The following ITM2A variants were observed in gnomAD, a reference collection of about 807,000 sequenced individuals.
The protein encoded by ITM2A is integral membrane protein 2A.
ITM2A carries 11 observed loss-of-function variants against 16.6 expected under a neutral mutation model. The ratio of observed to expected loss-of-function variants is 0.66; its 90% confidence interval spans 0.42 to 1.10. The LOEUF (loss-of-function observed/expected upper bound fraction) is 1.10, where lower values mean the gene tolerates loss of function less well. Among genes scored for constraint, ITM2A ranks in the 50% least tolerant of loss-of-function variants. The pLI is 0.00. For synonymous variants in ITM2A, 102 were observed against 71.2 expected, an observed-to-expected ratio of 1.43 and a Z score of -2.18; for missense variants, 243 against 206.8, an observed-to-expected ratio of 1.17 and a Z score of -1.07.
intron 4 of ITM2A, 88 bp downstream of exon 4, chrX:79,362,493 T>C: frequency 2.1e-6 from 1 of 481,078 alleles, no homozygotes; most frequent in Non-Finnish European, 3.5e-6. Context: ...ATAAAATGTT[T>C]TGGACAAATT....
Position 79,360,884 on chromosome X carries a change from G to C in ITM2A, c.*205C>G. On this transcript the variant is annotated 3_prime_UTR_variant, in exon 6 of 6. Coordinates refer to ENST00000373298, the MANE Select transcript of ITM2A (RefSeq NM_004867.5). ...AAAAAATGAAACTCATGTAATTTCA[G>C]TTTCAAAAAACAAGCAATGCCAATT... 1 of 261,208 alleles carries C rather than the reference G, an allele frequency of 3.8e-6. No homozygotes were observed. The highest frequency in any genetic ancestry group is 6.7e-6 in the Non-Finnish European group (1 of 148,776). The allele number at this position is 261,208 out of a possible 1,213,427, so 21.5% of individuals were successfully genotyped here.
At chrX:79,361,289 T>C (rs1260084471) in intron 5 of ITM2A, 40 bp downstream of exon 5, 1 of 1,169,360 alleles carries the variant, frequency 8.6e-7, no homozygotes, top group South Asian at 1.8e-5. Flanking sequence ...TCTTCCACTG[T>C]GTAACACAGG....
At chrX:79,364,476 C>A (rs1325185182) in intron 1 of ITM2A, among the ~76,000 whole-genome samples, 3 of 112,072 alleles carry the variant, frequency 2.7e-5, no homozygotes, top group African/African-American at 3.2e-5. Context: ...AAACAAGCAA[C>A]TGATTGTGCC....
chrX:79,366,923 G>A, intron 1 of ITM2A, 182 bp downstream of exon 1: 1 of 421,486 alleles, frequency 2.4e-6, no homozygotes, highest in Non-Finnish European at 4.1e-6. Context: ...GGAATGCAGA[G>A]TGACAGAGGG....
rs151333281 is a variant in ITM2A at position 79,367,177 on chromosome X, T to C, written c.39A>G (p.Gln13=). Residue 13 remains glutamine (Q), a synonymous_variant, in exon 1 of 6, where the codon CAA becomes CAG. Coordinates refer to ENST00000373298, the MANE Select transcript of ITM2A (RefSeq NM_004867.5). ...KIAFNTPTAV[Q]KEEARQDVEA... The stretch of plus-strand genomic sequence containing the variant: ...CCACGTCTTGCCGCGCCTCCTCCTT[T>C]TGCACGGCGGTAGGGGTATTGAAGG... 3 of 1,207,260 alleles carry C rather than the reference T, an allele frequency of 2.5e-6. No homozygotes were observed. The African/African-American group carries it at 5.3e-5, about 21-fold the overall frequency.
In ITM2A at chrX:79,361,070, A is replaced by T. The variant is rs767074214; in HGVS notation, c.*19T>A. 1.4e-5 allele frequency: 14 copies of T among 1,000,931 alleles called. No homozygotes were observed. The Admixed American group carries it at 3.0e-4, about 22-fold the overall frequency. The allele number at this position is 1,000,931 out of a possible 1,213,427, so 82.5% of individuals were successfully genotyped here. A position where few individuals can be genotyped will look rare whatever the true frequency, so the allele number is the denominator to read the frequency against. On this transcript the variant is annotated 3_prime_UTR_variant, in exon 6 of 6. Transcript: ENST00000373298. ...AATCTCTGACTTCTTATTACCAAGGACACTCTATCTGTTGCCTCTTACTCT... is the reference window on the plus strand; with the variant it reads ...AATCTCTGACTTCTTATTACCAAGGTCACTCTATCTGTTGCCTCTTACTCT...
intron 1 of ITM2A, among the ~76,000 whole-genome samples, chrX:79,365,049 G>A (rs745331935): frequency 9.0e-6 from 1 of 110,654 alleles, no homozygotes; most frequent in Non-Finnish European, 1.9e-5. Context: ...TAGAACTGGA[G>A]ACTTAAAATT....
chrX:79,367,147 G>A lies in ITM2A; in HGVS notation c.69C>T (p.Ala23=), dbSNP rs764913694. ...QKEEARQDVE[A]LLSRTVRTQI... is the part of the protein sequence containing the mutation. ...GAGTTCTGACCGTGCGGCTCAGGAG[G>A]GCCTCCACGTCTTGCCGCGCCTCCT... Residue 23 remains alanine, a synonymous_variant, in exon 1 of 6, where the codon GCC becomes GCT. Transcript: ENST00000373298. 1.3e-5 allele frequency: 16 copies of A among 1,208,952 alleles called. No homozygotes were observed. In the South Asian group the frequency reaches 2.7e-4, roughly 20 times the overall value.
In ITM2A at chrX:79,360,639, C is replaced by A. The variant is rs1326468444; in HGVS notation, c.*450G>T. ...TGTACAAAATGAAAAACAAAAGAAA[C>A]CAACAATGTTGAGATCTGATATATT... On this transcript the variant is annotated 3_prime_UTR_variant, in exon 6 of 6. Transcript: ENST00000373298. 1 of 111,177 alleles carries A rather than the reference C, an allele frequency of 9.0e-6. No individual in the cohort carries two copies. Among genetic ancestry groups the A allele is most frequent in the Non-Finnish European group, 1.9e-5 (1 of 52,898 alleles). The allele number at this position is 111,177 out of a possible 1,213,427, so 9.2% of individuals were successfully genotyped here. A position where few individuals can be genotyped will look rare whatever the true frequency, so the allele number is the denominator to read the frequency against.
chrX:79,366,028 A>G (rs1280652562), intron 1 of ITM2A, among the ~76,000 whole-genome samples: 3 of 112,309 alleles, frequency 2.7e-5, no homozygotes, highest in Non-Finnish European at 5.6e-5. Flanking sequence ...AAAACTATAT[A>G]GAGAACAAGA....
intron 1 of ITM2A, 35 bp from the exon 2 acceptor site, chrX:79,363,589 A>T: frequency 2.7e-6 from 3 of 1,109,431 alleles, no homozygotes; most frequent in Non-Finnish European, 3.6e-6. Context: ...AAACAAAACC[A>T]GATTGTACTT....
At chrX:79,361,298 G>A (rs766934111) in intron 5 of ITM2A, 31 bp downstream of exon 5, 13 of 1,181,451 alleles carry the variant, frequency 1.1e-5, no homozygotes, top group Non-Finnish European at 1.5e-5. Context: ...GTGTAACACA[G>A]GGTGAAGGAA....
Position 79,363,454 on chromosome X carries a change from C to G in ITM2A, c.212G>C (p.Gly71Ala), listed in dbSNP as rs769090917. 2 of 1,169,710 alleles carry G rather than the reference C, an allele frequency of 1.7e-6. No individual in the cohort carries two copies. The highest frequency in any genetic ancestry group is 2.3e-6 in the Non-Finnish European group (2 of 866,688). The change falls in exon 2 of 6, where the codon GGA becomes GCA. Residue 71 changes from glycine (G) to alanine (A), a missense_variant. Transcript: ENST00000373298. ...CATGAAGTACTTGTAAATGCAGGCTCCACCAACAATAAGTCCTGCCAAGAT... is the reference window on the plus strand; with the variant it reads ...CATGAAGTACTTGTAAATGCAGGCTGCACCAACAATAAGTCCTGCCAAGAT... ...SFILAGLIVG[G>A]ACIYKYFMPK...
At position 79,361,110 on chromosome X, in the gene ITM2A, C is replaced by G. The variant is rs1391492267; in HGVS notation, c.771G>C (p.Glu257Asp). The change falls in exon 6 of 6, where the codon GAG becomes GAC. Residue 257 changes from glutamate to aspartate, a missense_variant. Coordinates refer to ENST00000373298, the MANE Select transcript of ITM2A (RefSeq NM_004867.5). ...CCTCTTACTCTTGACAGATCTTGGT[C>G]TCAACAATAAATTCGTTGGGGAAGT... Reference protein sequence around the residue: ...IRHFPNEFIVETKICQE With the variant: ...IRHFPNEFIVDTKICQE 8.4e-7 allele frequency: 1 copy of G among 1,195,491 alleles called. No individual in the cohort carries two copies. Among genetic ancestry groups the G allele is most frequent in the Non-Finnish European group, 1.1e-6 (1 of 882,880 alleles).
intron 1 of ITM2A, among the ~76,000 whole-genome samples, chrX:79,364,970 A>T (rs1428623054): frequency 9.1e-6 from 1 of 110,181 alleles, no homozygotes; most frequent in African/African-American, 3.3e-5. Context: ...AAAAAAAAAA[A>T]CCTAAACTAA....
At position 79,363,118 on chromosome X, in the gene ITM2A, T is replaced by C; in HGVS notation, c.265A>G (p.Met89Val). 7 of 1,206,299 alleles carry C rather than the reference T, an allele frequency of 5.8e-6. No individual in the cohort carries two copies. Among genetic ancestry groups the C allele is most frequent in the Non-Finnish European group, 6.7e-6 (6 of 892,177 alleles). Residue 89 changes from methionine (M) to valine (V), a missense_variant, in exon 3 of 6, where the codon ATG (methionine) becomes GTG (valine). Physicochemically the swap from Met to Val is conservative, Grantham distance 21. Coordinates refer to ENST00000373298, the MANE Select transcript of ITM2A (RefSeq NM_004867.5). Reference sequence around the variant, plus strand: ...GGATCCTCAGAATCAAAAAAGCACATCTCTCCACGGTAAATGGTGCTCTAA... The same window carrying C: ...GGATCCTCAGAATCAAAAAAGCACACCTCTCCACGGTAAATGGTGCTCTAA... ...MPKSTIYRGE[M>V]CFFDSEDPAN...
chrX:79,363,582 C>A, intron 1 of ITM2A, 28 bp from the exon 2 acceptor site: 2 of 1,131,034 alleles, frequency 1.8e-6, no homozygotes, highest in Non-Finnish European at 1.2e-6. Flanking sequence ...AAACCAAAAA[C>A]AAAACCAGAT....
chrX:79,363,626 A>C, intron 1 of ITM2A, 72 bp from the exon 2 acceptor site: 1 of 730,713 alleles, frequency 1.4e-6, no homozygotes, highest in Non-Finnish European at 1.9e-6. Context: ...TTTTGTGTAC[A>C]ATTTACCTCC....
At chrX:79,364,594 T>G (rs1160127298) in intron 1 of ITM2A, among the ~76,000 whole-genome samples, 2 of 112,000 alleles carry the variant, frequency 1.8e-5, no homozygotes, top group African/African-American at 6.5e-5. Flanking sequence ...TAAGCAAATC[T>G]AGGCCCTGAT....
Sources: gnomAD v4.1 joint callset for allele counts (sites outside exome capture counted in the v4.1 genomes callset) on GRCh38, gnomAD v4.1.1 for gene constraint, MANE v1.5 for transcripts, NCBI Gene and HGNC (gene_info 2026-07-23, HGNC 2026-07-21) for gene names.